Variants in KIF1A observed in about 807,000 individuals in gnomAD.
The protein encoded by KIF1A is kinesin-like protein KIF1A.
Under a neutral mutation model 227.3 loss-of-function variants are expected in KIF1A, and 46 were observed. The ratio of observed to expected loss-of-function variants is 0.20; its 90% CI spans 0.16 to 0.26. KIF1A has a LOEUF of 0.26. KIF1A is among the 10% of genes least tolerant of loss of function. The pLI is 1.00. For synonymous variants in KIF1A, 1,022 were observed against 1,012.8 expected (o/e 1.01, Z -0.17); for missense variants, 1,683 against 2,485.9 (o/e 0.68, Z 6.87).
intron 17 of KIF1A, among the ~76,000 whole-genome samples, chr2:240,768,613 G>A (rs929496921): frequency 2.6e-5 from 4 of 152,184 alleles, no homozygotes; most frequent in Non-Finnish European, 5.9e-5. Context: ...GGGGGCACAG[G>A]AGTCATATAC....
At position 240,789,301 on chromosome 2, in the gene KIF1A, G is replaced by T; in HGVS notation, c.118C>A (p.Pro40Thr). ...MSGSTTTIVN[P>T]KQPKETPKSF... ...TTGGGCGTCTCCTTGGGCTGTTTGGGGTTAACAATGGCTGTGGGAGGGAAC... is the reference window on the plus strand; with the variant it reads ...TTGGGCGTCTCCTTGGGCTGTTTGGTGTTAACAATGGCTGTGGGAGGGAAC... The change falls in exon 3 of 49, where the codon CCC becomes ACC. Residue 40 changes from proline to threonine, a missense_variant. This residue lies in a region of KIF1A where 71 missense variants were observed against 129.1 expected (regional missense o/e 0.55). Coordinates refer to ENST00000498729, the MANE Select transcript of KIF1A (RefSeq NM_001244008.2). This position sits in a 1 kb window ranked among gnomAD's most constrained non-coding sequence, Gnocchi z 4.8. 1.2e-6 allele frequency: 2 copies of T among 1,613,750 alleles called. No individual in the cohort carries two copies. The highest frequency in any genetic ancestry group is 8.5e-7 in the Non-Finnish European group (1 of 1,179,656).
intron 47 of KIF1A, 25 bp downstream of exon 47, chr2:240,718,981 G>A (rs756400337): frequency 2.3e-5 from 37 of 1,580,676 alleles, no homozygotes; most frequent in African/African-American, 8.1e-5. Flanking sequence ...CCTGGTGCCC[G>A]AGCCTGAGCC....
chr2:240,780,374 C>T (rs1363071728), intron 10 of KIF1A, among the ~76,000 whole-genome samples: 2 of 152,114 alleles, frequency 1.3e-5, no homozygotes, highest in African/African-American at 4.8e-5. Context: ...CCATGTGGTT[C>T]CCCACACGAG....
intron 8 of KIF1A, among the ~76,000 whole-genome samples, chr2:240,783,330 C>G (rs1176879631): frequency 1.3e-5 from 2 of 152,160 alleles, no homozygotes; most frequent in Non-Finnish European, 2.9e-5. Context: ...CCATGCAAAC[C>G]CTGATATCAT....
At chr2:240,717,530 C>G in intron 48 of KIF1A, 124 bp from the exon 49 acceptor site, 1 of 819,420 alleles carries the variant, frequency 1.2e-6, no homozygotes, top group Admixed American at 2.0e-5. Context: ...CCGCTGGTTC[C>G]CTCACCACCT....
At chr2:240,769,098 T>G in intron 17 of KIF1A, 35 bp downstream of exon 17, 1 of 1,565,788 alleles carries the variant, frequency 6.4e-7, no homozygotes, top group Non-Finnish European at 8.7e-7. Context: ...CCTGTTCAGA[T>G]GAGGGCAGTA....
In KIF1A at chr2:240,788,327, G is replaced by C. The variant is rs2055208484; in HGVS notation, c.184-97C>G. 8.5e-7 allele frequency: 1 copy of C among 1,170,030 alleles called. No homozygotes were observed. Among genetic ancestry groups the C allele is most frequent in the South Asian group, 1.3e-5 (1 of 76,964 alleles). 72.5% of individuals were successfully genotyped at this position (1,170,030 alleles called of 1,614,324 possible). ...AGCCAGGGGATGCCCAGGGCCTCAG[G>C]GTGCCAGGGCAGCACAGTGGGGAGG... On this transcript the variant is annotated intron_variant, in intron 3 of 48. Transcript: ENST00000498729. This position sits in a 1 kb window ranked among gnomAD's most constrained non-coding sequence, Gnocchi z 6.6.
chr2:240,796,414 G>T (rs538046022), intron 2 of KIF1A, among the ~76,000 whole-genome samples: 2 of 152,256 alleles, frequency 1.3e-5, no homozygotes, highest in South Asian at 4.2e-4. Flanking sequence ...CCCCGGCAAG[G>T]CCAGGGCCCC....
chr2:240,723,422 G>A lies in KIF1A; in HGVS notation c.4455C>T (p.Leu1485=). ...TCTGAGGCTGCCTCACCTCCTGCAG[G>A]AGGCTCAGCTTCTCCAGCTCCCACT... The part of the protein sequence containing the change: ...DHQWELEKLS[L]LQEVEKTRHY... The change falls in exon 42 of 49, where the codon CTC becomes CTT. Residue 1485 remains leucine, a synonymous_variant. Coordinates refer to ENST00000498729, the MANE Select transcript of KIF1A (RefSeq NM_001244008.2). 3.2e-6 allele frequency: 5 copies of A among 1,547,926 alleles called. No individual in the cohort carries two copies. Among genetic ancestry groups the A allele is most frequent in the Non-Finnish European group, 4.4e-6 (5 of 1,145,024 alleles).
intron 15 of KIF1A, among the ~76,000 whole-genome samples, chr2:240,770,702 C>T (rs2051842023): frequency 6.6e-6 from 1 of 152,234 alleles, no homozygotes; most frequent in Non-Finnish European, 1.5e-5. Context: ...GGTCTAGGGT[C>T]CTGCAGGCGC....
chr2:240,773,269 G>A lies in KIF1A; in HGVS notation c.1038-13C>T. 6.2e-7 allele frequency: 1 copy of A among 1,613,776 alleles called. No homozygotes were observed. Among genetic ancestry groups the A allele is most frequent in the Non-Finnish European group, 8.5e-7 (1 of 1,179,786 alleles). ...CCGGTCAGCATACCTGGGTGGCAGA[G>A]GGGGCTGTGGGCTGTGCTCGGGACA... On this transcript the variant is annotated splice_polypyrimidine_tract_variant and intron_variant, in intron 12 of 48. Coordinates refer to ENST00000498729, the MANE Select transcript of KIF1A (RefSeq NM_001244008.2).
At chr2:240,784,040 C>A (rs1490592808) in intron 7 of KIF1A, among the ~76,000 whole-genome samples, 1 of 152,210 alleles carries the variant, frequency 6.6e-6, no homozygotes, top group Non-Finnish European at 1.5e-5. Context: ...GCCCAGCCAC[C>A]TCCCCAGGGG....
At chr2:240,719,274 C>G (rs1230649208) in intron 46 of KIF1A, 76 bp from the exon 47 acceptor site, 9 of 1,498,316 alleles carry the variant, frequency 6.0e-6, no homozygotes, top group Non-Finnish European at 8.1e-6. Context: ...CATCTACCAC[C>G]CAGAGCTGGG....
intron 1 of KIF1A, among the ~76,000 whole-genome samples, chr2:240,817,524 C>T (rs1304320932): frequency 6.6e-6 from 1 of 152,230 alleles, no homozygotes; most frequent in Admixed American, 6.5e-5. Flanking sequence ...CAGGCCCCTC[C>T]CAGCTCACTG....
At chr2:240,783,855 A>G (rs369021703) in intron 7 of KIF1A, 39 bp from the exon 8 acceptor site, 516 of 1,480,928 alleles carry the variant, frequency 3.5e-4, no homozygotes, top group Non-Finnish European at 4.4e-4. Context: ...AAAGGCCACA[A>G]GATGCGCGGG....
In KIF1A at chr2:240,718,783, G is replaced by A. The variant is rs577583127; in HGVS notation, c.5214+223C>T. Among the ~76,000 whole-genome samples the A allele has an allele frequency of 8.5e-5, 13 of 152,358 alleles. No individual in the cohort carries two copies. In the South Asian group the frequency reaches 2.7e-3, roughly 32 times the overall value. ...CCCTGACCGGAGTCCATCCCCACTA[G>A]CTGTCACCAGGAATATGCGCCTCAT... On this transcript the variant is annotated intron_variant, in intron 47 of 48. Coordinates refer to ENST00000498729, the MANE Select transcript of KIF1A (RefSeq NM_001244008.2).
chr2:240,714,097 T>TA lies in KIF1A; in HGVS notation c.*3266_*3267insT, dbSNP rs2044399485. The TA allele has an allele frequency of 6.6e-6, 1 of 152,408 alleles. No individual in the cohort carries two copies. The highest frequency in any genetic ancestry group is 1.5e-5 in the Non-Finnish European group (1 of 68,116). 9.4% of individuals were successfully genotyped at this position (152,408 alleles called of 1,614,324 possible). A position where few individuals can be genotyped will look rare whatever the true frequency, so the allele number is the denominator to read the frequency against. ...GGGTAAGGGAGTGTGCCTTCCGTGG[T>TA]CCCCACATGGGTGAGGCTGGCATAG... On this transcript the variant is annotated 3_prime_UTR_variant, in exon 49 of 49. Transcript: ENST00000498729.
At chr2:240,720,034 C>G in intron 45 of KIF1A, 108 bp from the exon 46 acceptor site, 1 of 1,144,940 alleles carries the variant, frequency 8.7e-7, no homozygotes, top group Non-Finnish European at 1.2e-6. Context: ...CAGTAGGGCA[C>G]CTTCGCAGGG....
intron 27 of KIF1A, among the ~76,000 whole-genome samples, chr2:240,751,847 C>T (rs1048814187): frequency 6.6e-6 from 1 of 152,026 alleles, no homozygotes; most frequent in Non-Finnish European, 1.5e-5. Context: ...ATGCAGAAGC[C>T]CTACCCTCCA....
Sources: gnomAD v4.1 joint callset for allele counts (sites outside exome capture counted in the v4.1 genomes callset) on GRCh38, gnomAD v4.1.1 for gene constraint, gnomAD v4.1.1 regional missense constraint, Gnocchi (gnomAD v3.1) non-coding constraint, MANE v1.5 for transcripts, NCBI Gene and HGNC (gene_info 2026-07-23, HGNC 2026-07-21) for gene names.